HEATR4: variants seen among roughly 807,000 people sequenced by gnomAD.
HEATR4 encodes the protein HEAT repeat-containing protein 4.
In HEATR4, 95 loss-of-function variants were observed where a neutral mutation model predicts 108.8. The observed-to-expected ratio is 0.87, with a 90% confidence interval of 0.74 to 1.04. HEATR4 has a LOEUF of 1.04. HEATR4 is among the 50% of genes least tolerant of loss of function. The pLI is 0.00. For synonymous variants in HEATR4, 443 were observed against 459.4 expected (o/e 0.96, Z 0.46); for missense variants, 1,152 against 1,253.8 (o/e 0.92, Z 1.23).
Position 73,478,798 on chromosome 14 carries a change from G to T in HEATR4, c.2889C>A (p.Val963=). 6.2e-7 allele frequency: 1 copy of T among 1,611,612 alleles called. No individual in the cohort carries two copies. The highest frequency in any genetic ancestry group is 8.5e-7 in the Non-Finnish European group (1 of 1,178,962). The change falls in exon 18 of 18, where the codon GTC becomes GTA. Residue 963 remains valine, a synonymous_variant. Coordinates refer to ENST00000553558, the MANE Select transcript of HEATR4 (RefSeq NM_001220484.1). ...RAPNPWLQSS[V]PGLTTRSKVR... ...CTTTGCTTCGTGTGGTTAGGCCTGG[G>T]ACTGAACTTTGTAACCAGGGATTTG...
At chr14:73,496,708 A>T in intron 14 of HEATR4, 29 bp from the exon 15 acceptor site, 1 of 1,212,058 alleles carries the variant, frequency 8.3e-7, no homozygotes, top group Non-Finnish European at 1.2e-6. Context: ...TTCTTAGATT[A>T]TTCTACCCTG....
the HEATR4 span, among the ~76,000 whole-genome samples, chr14:73,586,747 A>T: frequency 4.0e-5 from 6 of 150,090 alleles, no homozygotes; most frequent in Admixed American, 6.7e-5. Flanking sequence ...TCTTGCTCTG[A>T]TGCCCAGAGC....
the HEATR4 span, among the ~76,000 whole-genome samples, chr14:73,604,182 T>G: frequency 7.6e-6 from 1 of 131,492 alleles, no homozygotes; most frequent in Non-Finnish European, 1.6e-5. Flanking sequence ...TTTTTTTTTT[T>G]GAGATGGAGT....
the HEATR4 span, among the ~76,000 whole-genome samples, chr14:73,618,366 A>C: frequency 2.0e-5 from 3 of 151,680 alleles, no homozygotes; most frequent in Non-Finnish European, 2.9e-5. Flanking sequence ...CCAGGCCCTA[A>C]GCCTCTTTTC....
chr14:73,519,176 A>G lies in HEATR4; in HGVS notation c.1070-13T>C, dbSNP rs202000643. ...ATCTGGACTTCATCTGTGAACAGAC[A>G]AAGAAACAATGAGTCCCCTATAACC... On this transcript the variant is annotated splice_polypyrimidine_tract_variant and intron_variant, in intron 4 of 17. Transcript: ENST00000553558. 1.6e-4 allele frequency: 259 copies of G among 1,608,176 alleles called. No individual in the cohort carries two copies. Among genetic ancestry groups the G allele is most frequent in the East Asian group, 1.1e-3 (48 of 44,674 alleles).
At chr14:73,612,814 G>T in the HEATR4 span, 1 of 1,422,998 alleles carries the variant, frequency 7.0e-7, no homozygotes. Flanking sequence ...TGGGGCTGCT[G>T]TGGGCGTTGG....
At chr14:73,619,663 C>G in the HEATR4 span, 1 of 1,614,130 alleles carries the variant, frequency 6.2e-7, no homozygotes, top group Non-Finnish European at 8.5e-7. Flanking sequence ...CTGTATTGAC[C>G]CACCTTATTT....
At chr14:73,614,999 G>A in the HEATR4 span, among the ~76,000 whole-genome samples, 3 of 150,130 alleles carry the variant, frequency 2.0e-5, no homozygotes, top group Non-Finnish European at 4.4e-5. Context: ...TGAGGCAGGA[G>A]AATCTCTTGA....
chr14:73,522,671 G>T lies in HEATR4; in HGVS notation c.482C>A (p.Pro161His). 2 of 1,614,212 alleles carry T rather than the reference G, an allele frequency of 1.2e-6. No individual in the cohort carries two copies. Among genetic ancestry groups the T allele is most frequent in the Non-Finnish European group, 1.7e-6 (2 of 1,180,028 alleles). Residue 161 changes from proline to histidine, a missense_variant, in exon 3 of 18, where the codon CCC becomes CAC. By Grantham distance (77) the Pro-to-His change is moderately conservative. Transcript: ENST00000553558. ...SKPASTVREA[P>H]RPLIHHPCMH... is the part of the protein sequence containing the mutation. Reference sequence around the variant, plus strand: ...GCAGGGATGATGGATGAGAGGGCGGGGTGCTTCCCGGACGGTGCTGGCTGG... The same window carrying T: ...GCAGGGATGATGGATGAGAGGGCGGTGTGCTTCCCGGACGGTGCTGGCTGG...
chr14:73,609,464 C>T, the HEATR4 span, among the ~76,000 whole-genome samples: 2 of 151,956 alleles, frequency 1.3e-5, no homozygotes, highest in Non-Finnish European at 2.9e-5. Context: ...CCTGCCAGGT[C>T]GTGGCTGATT....
At chr14:73,595,725 G>A in the HEATR4 span, 1 of 1,466,878 alleles carries the variant, frequency 6.8e-7, no homozygotes. Flanking sequence ...ATGTGAATCA[G>A]ATGTCTCCTG....
At chr14:73,564,128 G>A in the HEATR4 span, among the ~76,000 whole-genome samples, 17 of 151,722 alleles carry the variant, frequency 1.1e-4, no homozygotes, top group East Asian at 1.5e-3. Context: ...GTGAAACCCC[G>A]TCGTACTAAA....
chr14:73,511,242 G>C (rs1472894733), intron 7 of HEATR4, among the ~76,000 whole-genome samples: 1 of 152,114 alleles, frequency 6.6e-6, no homozygotes, highest in Non-Finnish European at 1.5e-5. Flanking sequence ...GTCAGGTGCG[G>C]TGGCTCATGC....
intron 17 of HEATR4, among the ~76,000 whole-genome samples, chr14:73,483,920 C>T (rs1885346029): frequency 6.6e-6 from 1 of 151,950 alleles, no homozygotes; most frequent in South Asian, 2.1e-4. Flanking sequence ...GTGGCTCAAT[C>T]TCAGGCTCAC....
At chr14:73,612,897 T>A in the HEATR4 span, 1 of 1,379,208 alleles carries the variant, frequency 7.3e-7, no homozygotes, top group South Asian at 1.4e-5. Context: ...CTGGAAGTGC[T>A]GGACGGCCAC....
chr14:73,492,203 T>C lies in HEATR4; in HGVS notation c.2844+863A>G. ...GCAGACCGTGCTGGAACCTGGAGAT[T>C]TGCTGTATTTTCCTCGGGGCTTCAT... On this transcript the variant is annotated intron_variant, in intron 17 of 17. Transcript: ENST00000553558. The surrounding 1 kb of genome is among the most constrained non-coding windows in gnomAD (Gnocchi z 4.9). The C allele has an allele frequency of 6.2e-7, 1 of 1,613,922 alleles. No individual in the cohort carries two copies. The highest frequency in any genetic ancestry group is 2.2e-5 in the East Asian group (1 of 44,876).
chr14:73,516,992 C>T (rs1471015986), intron 5 of HEATR4, among the ~76,000 whole-genome samples: 6 of 152,172 alleles, frequency 3.9e-5, no homozygotes, highest in Non-Finnish European at 5.9e-5. Flanking sequence ...AGTAATGACT[C>T]TTGGCAGGGT....
At position 73,538,611 on chromosome 14, in the gene HEATR4, CAA is replaced by C. The variant is rs59948219; in HGVS notation, c.-151-8369_-151-8368del. ...TGGGCAATAGAGTGAGACTCCGTCT[CAA>C]AAAAAAAAAAAAAAAAAGGCATTGT... On this transcript the variant is annotated intron_variant, in intron 1 of 17. Transcript: ENST00000553558. 4.0e-4 allele frequency among the ~76,000 whole-genome samples: 11 copies of C among 27,230 alleles called. No individual in the cohort carries two copies. The South Asian group carries it at 5.3e-3, about 13-fold the overall frequency. The allele number at this position is 27,230 out of a possible 152,430, so 17.9% of individuals were successfully genotyped here.
chr14:73,512,820 T>G lies in HEATR4; in HGVS notation c.1415-671A>C, dbSNP rs376851500. Among the ~76,000 whole-genome samples the G allele has an allele frequency of 3.3e-5, 5 of 152,326 alleles. No homozygotes were observed. The South Asian group carries it at 1.0e-3, about 32-fold the overall frequency. ...TTATCTGTAGGTGTTTCCTTCAGTC[T>G]TTTTTGTTATTGTTTATCTGATCCA... On this transcript the variant is annotated intron_variant, in intron 6 of 17. Coordinates refer to ENST00000553558, the MANE Select transcript of HEATR4 (RefSeq NM_001220484.1).
Sources: gnomAD v4.1 joint callset for allele counts (sites outside exome capture counted in the v4.1 genomes callset) on GRCh38, gnomAD v4.1.1 for gene constraint, Gnocchi (gnomAD v3.1) non-coding constraint, MANE v1.5 for transcripts, NCBI Gene and HGNC (gene_info 2026-07-23, HGNC 2026-07-21) for gene names.